The following NMRK1 variants were observed in gnomAD, a reference collection of about 807,000 sequenced individuals.
NMRK1 encodes the protein nicotinamide riboside kinase 1.
NMRK1 carries 28 observed loss-of-function variants against 29.9 expected under a neutral mutation model. The observed-to-expected ratio is 0.94, with a 90% CI of 0.69 to 1.28. The LOEUF (loss-of-function observed/expected upper bound fraction) is 1.28, where lower values mean the gene tolerates loss of function less well. NMRK1 is among the 50% of genes most tolerant of loss of function. The probability of loss-of-function intolerance (pLI) is 0.00; values close to 1 mark genes in which losing one functional copy is unlikely to be tolerated. For synonymous variants in NMRK1, 58 were observed against 73.0 expected (o/e 0.79, Z 1.05); for missense variants, 218 against 233.1 (o/e 0.94, Z 0.42).
At chr9:75,071,965 G>A (rs62569650) in intron 4 of NMRK1, among the ~76,000 whole-genome samples, 2,244 of 152,332 alleles carry the variant, frequency 0.015, 16 homozygotes, top group Non-Finnish European at 0.018. Context: ...CATGGGTGAC[G>A]TGGAGGGGTG....
At chr9:75,084,442 T>C (rs1281007030) in intron 1 of NMRK1, among the ~76,000 whole-genome samples, 1 of 152,224 alleles carries the variant, frequency 6.6e-6, no homozygotes, top group Non-Finnish European at 1.5e-5. Context: ...TGCTTAAGAC[T>C]GGGGTCCACT....
intron 6 of NMRK1, 49 bp from the exon 7 acceptor site, chr9:75,069,151 T>A (rs781546971): frequency 1.6e-6 from 2 of 1,260,894 alleles, no homozygotes. Flanking sequence ...ACACAATTGA[T>A]AAAGTAAAAT....
chr9:75,062,890 G>A (rs1375845367), intron 8 of NMRK1, among the ~76,000 whole-genome samples: 1 of 152,116 alleles, frequency 6.6e-6, no homozygotes, highest in Non-Finnish European at 1.5e-5. Flanking sequence ...AAATTAGCAG[G>A]GCGTGGTAGT....
intron 2 of NMRK1, among the ~76,000 whole-genome samples, chr9:75,081,789 TA>T (rs1824336800): frequency 6.6e-6 from 1 of 152,198 alleles, no homozygotes; most frequent in African/African-American, 2.4e-5. Flanking sequence ...GGACCAGGCT[TA>T]TCCAGCAAAG....
In NMRK1 at chr9:75,061,191, C is replaced by A; in HGVS notation, c.*357G>T. 1 of 240,844 alleles carries A rather than the reference C, an allele frequency of 4.2e-6. No homozygotes were observed. The highest frequency in any genetic ancestry group is 8.1e-6 in the Non-Finnish European group (1 of 124,144). 14.9% of individuals were successfully genotyped at this position (240,844 alleles called of 1,614,324 possible). On this transcript the variant is annotated 3_prime_UTR_variant, in exon 9 of 9. Coordinates refer to ENST00000361092, the MANE Select transcript of NMRK1 (RefSeq NM_017881.3). ...AATACATAAACATACACAATGAATT[C>A]CACAGATATTGGATTGTGATGTAAT...
intron 7 of NMRK1, chr9:75,067,134 T>C: frequency 7.4e-6 from 2 of 269,696 alleles, no homozygotes; most frequent in Non-Finnish European, 7.0e-6. Flanking sequence ...AGAAAGAAAG[T>C]GGTGTTGTGC....
At chr9:75,087,809 G>GGCGC (rs1824763903) in intron 1 of NMRK1, 199 bp downstream of exon 1, 1 of 152,194 alleles carries the variant, frequency 6.6e-6, no homozygotes, top group African/African-American at 2.4e-5. Context: ...ATTATTCCGG[G>GGCGC]GCGCTAGAGC....
intron 7 of NMRK1, among the ~76,000 whole-genome samples, chr9:75,067,540 C>G (rs1266218748): frequency 6.6e-6 from 1 of 152,128 alleles, no homozygotes; most frequent in African/African-American, 2.4e-5. Context: ...GCTCCAGGAA[C>G]AGCGTGAGAT....
In NMRK1 at chr9:75,061,484, G is replaced by T; in HGVS notation, c.*64C>A. On this transcript the variant is annotated 3_prime_UTR_variant, in exon 9 of 9. Transcript: ENST00000361092. ...ACAGTATACATTGTATCTTGGTGAA[G>T]GTTCTTAAATTACTCCTTGGAGTTT... The T allele has an allele frequency of 7.9e-7, 1 of 1,258,944 alleles. No individual in the cohort carries two copies. The highest frequency in any genetic ancestry group is 1.1e-6 in the Non-Finnish European group (1 of 870,858). 78.0% of individuals were successfully genotyped at this position (1,258,944 alleles called of 1,614,324 possible). A position where few individuals can be genotyped will look rare whatever the true frequency, so the allele number is the denominator to read the frequency against.
intron 1 of NMRK1, among the ~76,000 whole-genome samples, chr9:75,084,081 CCTAACGTTCA>C (rs1226696763): frequency 6.6e-6 from 1 of 152,176 alleles, no homozygotes; most frequent in African/African-American, 2.4e-5. Flanking sequence ...TACATGCCTC[CCTAACGTTCA>C]CTAAAGTAGT....
Position 75,077,580 on chromosome 9 carries a change from A to G in NMRK1, c.30T>C (p.Gly10=). The G allele has an allele frequency of 1.9e-6, 3 of 1,608,648 alleles. No homozygotes were observed. The highest frequency in any genetic ancestry group is 2.5e-6 in the Non-Finnish European group (3 of 1,176,698). Residue 10 remains glycine (G), a splice_region_variant and synonymous_variant, in exon 3 of 9, where the codon GGT becomes GGC. Transcript: ENST00000361092. MKTFIIGIS[G]VTNSGKTTLA... is the part of the protein sequence containing the mutation. Reference sequence around the variant, plus strand: ...GTGTTGTTTTGCCACTGTTTGTCACACTGAAGCAAAGAAAAAAGAAAGTAC... The same window carrying G: ...GTGTTGTTTTGCCACTGTTTGTCACGCTGAAGCAAAGAAAAAAGAAAGTAC...
chr9:75,063,911 A>T (rs765336594), intron 8 of NMRK1, among the ~76,000 whole-genome samples: 4 of 152,186 alleles, frequency 2.6e-5, no homozygotes, highest in Admixed American at 2.6e-4. Context: ...ACCAGCATAA[A>T]TGTTGGAGGT....
At chr9:75,062,853 A>G (rs1437807119) in intron 8 of NMRK1, among the ~76,000 whole-genome samples, 2 of 152,150 alleles carry the variant, frequency 1.3e-5, no homozygotes, top group African/African-American at 4.8e-5. Flanking sequence ...TCAACATAGC[A>G]AAACCCCGTC....
At chr9:75,068,663 A>G (rs1823510939) in intron 7 of NMRK1, among the ~76,000 whole-genome samples, 1 of 152,230 alleles carries the variant, frequency 6.6e-6, no homozygotes. Context: ...GCTGGAAAGG[A>G]CAGGCTTGGG....
intron 7 of NMRK1, 166 bp from the exon 8 acceptor site, chr9:75,067,006 A>G: frequency 1.9e-6 from 1 of 518,640 alleles, no homozygotes; most frequent in Non-Finnish European, 3.4e-6. Context: ...AATAGATGCT[A>G]GCCAGCTATA....
chr9:75,082,439 T>C (rs1356759828), intron 2 of NMRK1, among the ~76,000 whole-genome samples: 1 of 152,178 alleles, frequency 6.6e-6, no homozygotes, highest in Non-Finnish European at 1.5e-5. Flanking sequence ...ATTTTATTAA[T>C]TGGGTCACAA....
intron 2 of NMRK1, chr9:75,082,737 C>A: frequency 3.8e-6 from 1 of 261,670 alleles, no homozygotes. Flanking sequence ...TGGAAAGAAA[C>A]TAAGTTTTCT....
chr9:75,087,847 CTCG>C (rs1363719527), intron 1 of NMRK1, 158 bp downstream of exon 1: 1 of 152,326 alleles, frequency 6.6e-6, no homozygotes, highest in Admixed American at 6.5e-5. Flanking sequence ...ACACGTCCTC[CTCG>C]GCAGGCCACC....
intron 2 of NMRK1, among the ~76,000 whole-genome samples, chr9:75,082,216 T>A (rs949330021): frequency 1.3e-5 from 2 of 152,188 alleles, no homozygotes; most frequent in African/African-American, 4.8e-5. Context: ...TGACAGCCTG[T>A]ATCAGGATGG....
Sources: gnomAD v4.1 joint callset for allele counts (sites outside exome capture counted in the v4.1 genomes callset) on GRCh38, gnomAD v4.1.1 for gene constraint, MANE v1.5 for transcripts, NCBI Gene and HGNC (gene_info 2026-07-23, HGNC 2026-07-21) for gene names.